The following PIK3C2G variants were observed in gnomAD, a reference collection of about 807,000 sequenced individuals.
PIK3C2G encodes phosphatidylinositol-4-phosphate 3-kinase catalytic subunit type 2 gamma.
Under a neutral mutation model 181.1 loss-of-function variants are expected in PIK3C2G, and 168 were observed. That is an observed-to-expected ratio of 0.93 (90% CI 0.82 to 1.05). The LOEUF (loss-of-function observed/expected upper bound fraction) is 1.05, where lower values mean the gene tolerates loss of function less well. Among genes scored for constraint, PIK3C2G ranks in the 50% least tolerant of loss-of-function variants. The pLI, the probability that PIK3C2G is intolerant of heterozygous loss-of-function variation, is 0.00. For missense variants in PIK3C2G, 1,869 were observed against 1,732.8 expected (o/e 1.08, Z -1.40); for synonymous variants, 573 against 592.2 (o/e 0.97, Z 0.47).
At chr12:18,312,792 T>A (rs1950694972) in intron 5 of PIK3C2G, among the ~76,000 whole-genome samples, 1 of 152,144 alleles carries the variant, frequency 6.6e-6, no homozygotes, top group Admixed American at 6.6e-5. Flanking sequence ...AGCAGATAGG[T>A]ACTAAGTTTT....
intron 18 of PIK3C2G, among the ~76,000 whole-genome samples, chr12:18,477,059 CCTT>C (rs1939074888): frequency 1.3e-5 from 2 of 152,180 alleles, no homozygotes; most frequent in Non-Finnish European, 2.9e-5. Context: ...AAGACAGACA[CCTT>C]CTCCCTGCGT....
chr12:18,382,857 T>TA (rs1352287579), intron 14 of PIK3C2G, among the ~76,000 whole-genome samples: 1 of 152,064 alleles, frequency 6.6e-6, no homozygotes, highest in Non-Finnish European at 1.5e-5. Flanking sequence ...GTTTGGGACA[T>TA]AGAGTTGAGA....
chr12:18,419,425 A>G (rs1945353403), intron 16 of PIK3C2G, among the ~76,000 whole-genome samples: 1 of 152,212 alleles, frequency 6.6e-6, no homozygotes, highest in African/African-American at 2.4e-5. Flanking sequence ...GATGTCTACA[A>G]GTTTCAGACA....
chr12:18,587,447 C>T (rs115776454), intron 29 of PIK3C2G, among the ~76,000 whole-genome samples: 2,392 of 152,112 alleles, frequency 0.016, 64 homozygotes, highest in African/African-American at 0.054. Context: ...AATGAAATCC[C>T]TTTCATAATT....
chr12:18,521,934 A>C (rs566178458), intron 24 of PIK3C2G, among the ~76,000 whole-genome samples: 1 of 152,312 alleles, frequency 6.6e-6, no homozygotes, highest in East Asian at 1.9e-4. Context: ...TGGAAAAAGC[A>C]TGGTTTCCTA....
chr12:18,688,410 A>C, the PIK3C2G span, among the ~76,000 whole-genome samples: 1 of 152,080 alleles, frequency 6.6e-6, no homozygotes, highest in African/African-American at 2.4e-5. Context: ...ATAAACACCA[A>C]GAATATGTAC....
intron 30 of PIK3C2G, among the ~76,000 whole-genome samples, chr12:18,595,394 G>A (rs895981392): frequency 4.6e-5 from 7 of 151,966 alleles, no homozygotes; most frequent in African/African-American, 1.7e-4. Flanking sequence ...AAAACATTAA[G>A]CAAAAAACTC....
the PIK3C2G span, chr12:18,685,782 C>T: frequency 2.8e-6 from 1 of 363,302 alleles, no homozygotes; most frequent in Non-Finnish European, 5.7e-6. Flanking sequence ...TACTTCATTA[C>T]ACATGTGCCT....
intron 31 of PIK3C2G, among the ~76,000 whole-genome samples, chr12:18,626,414 G>T (rs1036560455): frequency 2.6e-5 from 4 of 151,724 alleles, no homozygotes; most frequent in Middle Eastern, 3.4e-3. Context: ...TAATAATTTT[G>T]TCTTTGTGCC....
intron 32 of PIK3C2G, among the ~76,000 whole-genome samples, chr12:18,645,843 A>C (rs967072691): frequency 1.3e-5 from 2 of 152,206 alleles, no homozygotes; most frequent in Non-Finnish European, 2.9e-5. Flanking sequence ...TGACTTATTC[A>C]TGCAATTCAC....
At position 18,496,052 on chromosome 12, in the gene PIK3C2G, T is replaced by C; in HGVS notation, c.2794-10T>C. 1 of 1,435,168 alleles carries C rather than the reference T, an allele frequency of 7.0e-7. No individual in the cohort carries two copies. Among genetic ancestry groups the C allele is most frequent in the Non-Finnish European group, 9.4e-7 (1 of 1,066,114 alleles). 88.9% of individuals were successfully genotyped at this position (1,435,168 alleles called of 1,614,324 possible). A position where few individuals can be genotyped will look rare whatever the true frequency, so the allele number is the denominator to read the frequency against. On this transcript the variant is annotated splice_polypyrimidine_tract_variant and intron_variant, in intron 20 of 32. Transcript: ENST00000538779. ...TTGCTCACTAGTTTTCCCTTTTTCT[T>C]TTCCTATAGGCATGTTCATATTTTA...
At chr12:18,504,595 A>C (rs1941703786) in intron 23 of PIK3C2G, among the ~76,000 whole-genome samples, 1 of 152,190 alleles carries the variant, frequency 6.6e-6, no homozygotes, top group African/African-American at 2.4e-5. Flanking sequence ...CCAACCAGTC[A>C]TTCCTGGTTA....
chr12:18,563,501 A>G lies in PIK3C2G; in HGVS notation c.3902+3A>G, dbSNP rs750091361. The G allele has an allele frequency of 8.7e-6, 14 of 1,613,474 alleles. No individual in the cohort carries two copies. The highest frequency in any genetic ancestry group is 1.6e-4 in the Middle Eastern group (1 of 6,082). On this transcript the variant is annotated splice_donor_region_variant and intron_variant, in intron 28 of 32. Coordinates refer to ENST00000538779, the MANE Select transcript of PIK3C2G (RefSeq NM_001288772.2). Reference sequence around the variant, plus strand: ...TTTGCATCACTGACTCTCCCAGAGTAAGGCACTGTCCTTTTACATTGTTTT... The same window carrying G: ...TTTGCATCACTGACTCTCCCAGAGTGAGGCACTGTCCTTTTACATTGTTTT...
intron 16 of PIK3C2G, among the ~76,000 whole-genome samples, chr12:18,406,144 TGCCTG>T (rs1175822338): frequency 6.6e-6 from 1 of 152,192 alleles, no homozygotes; most frequent in African/African-American, 2.4e-5. Context: ...TGTGTTTCTG[TGCCTG>T]GCTTATTATA....
chr12:18,551,368 G>C (rs572904429), intron 26 of PIK3C2G, among the ~76,000 whole-genome samples: 10 of 152,178 alleles, frequency 6.6e-5, no homozygotes, highest in African/African-American at 2.2e-4. Context: ...CGGGTTAGCT[G>C]TCCTCATCAA....
chr12:18,594,182 T>C (rs1360709864), intron 29 of PIK3C2G, among the ~76,000 whole-genome samples: 2 of 151,886 alleles, frequency 1.3e-5, no homozygotes, highest in Non-Finnish European at 2.9e-5. Flanking sequence ...AAAATTGAGA[T>C]GTGAAATGCA....
At chr12:18,414,802 C>G (rs1036924181) in intron 16 of PIK3C2G, among the ~76,000 whole-genome samples, 1 of 152,218 alleles carries the variant, frequency 6.6e-6, no homozygotes, top group Non-Finnish European at 1.5e-5. Flanking sequence ...TTCAGCAGTA[C>G]TGCTGGCATC....
rs192899590 is a variant in PIK3C2G at position 18,404,367 on chromosome 12, G to A, written c.2315+4520G>A. Reference sequence around the variant, plus strand: ...AAATTGGTAGGCACTGAATCAAAGAGGTAGATGAATAAGCCATAGTGACTG... The same window carrying A: ...AAATTGGTAGGCACTGAATCAAAGAAGTAGATGAATAAGCCATAGTGACTG... On this transcript the variant is annotated intron_variant, in intron 16 of 32. Transcript: ENST00000538779. Among the ~76,000 whole-genome samples, 128 of 152,212 alleles carry A rather than the reference G, an allele frequency of 8.4e-4. 1 individual carries two copies. The highest frequency in any genetic ancestry group is 2.6e-4 in the Non-Finnish European group (18 of 68,006).
At chr12:18,537,748 A>ATT (rs911409952) in intron 24 of PIK3C2G, among the ~76,000 whole-genome samples, 1 of 151,828 alleles carries the variant, frequency 6.6e-6, no homozygotes, top group Non-Finnish European at 1.5e-5. Flanking sequence ...ATACAAGGAA[A>ATT]TTTTTTTTAA....
Sources: allele counts gnomAD v4.1 joint callset (sites outside exome capture counted in the v4.1 genomes callset), GRCh38; gene constraint gnomAD v4.1.1; transcripts MANE v1.5; gene names NCBI Gene and HGNC (gene_info 2026-07-23, HGNC 2026-07-21).